The following APPBP2 variants were observed in gnomAD, a reference collection of about 807,000 sequenced individuals.
APPBP2 encodes the protein amyloid protein-binding protein 2.
A neutral mutation model predicts 76.0 loss-of-function variants in APPBP2; 15 were observed. The observed-to-expected ratio is 0.20, with a 90% CI of 0.13 to 0.30. The LOEUF (loss-of-function observed/expected upper bound fraction) is 0.30. APPBP2 is among the 10% of genes least tolerant of loss of function. The pLI is 1.00. For missense variants in APPBP2, 401 were observed against 687.2 expected (o/e 0.58, Z 4.66); for synonymous variants, 222 against 242.2 (o/e 0.92, Z 0.77).
intron 1 of APPBP2, among the ~76,000 whole-genome samples, chr17:60,502,602 C>T (rs1287172253): frequency 1.4e-5 from 2 of 139,988 alleles, no homozygotes; most frequent in Admixed American, 1.4e-4. Context: ...GCCTGTAATC[C>T]CAGCACTTTG....
intron 1 of APPBP2, among the ~76,000 whole-genome samples, chr17:60,502,527 A>G (rs1412293201): frequency 7.7e-6 from 1 of 130,606 alleles, no homozygotes; most frequent in Non-Finnish European, 1.5e-5. Context: ...ACTTTTCATT[A>G]TCAAACTTAA....
At chr17:60,518,276 G>A (rs1198390539) in intron 1 of APPBP2, among the ~76,000 whole-genome samples, 2 of 151,834 alleles carry the variant, frequency 1.3e-5, no homozygotes, top group African/African-American at 4.8e-5. Flanking sequence ...TGAACTCTTA[G>A]GCTTAAGCAA....
At chr17:60,454,541 G>C in intron 10 of APPBP2, 49 bp from the exon 11 acceptor site, 1 of 1,236,902 alleles carries the variant, frequency 8.1e-7, no homozygotes, top group Non-Finnish European at 1.1e-6. Context: ...ATCTACCAAA[G>C]CTAGTAAGAA....
In APPBP2 at chr17:60,460,800, T is replaced by C; in HGVS notation, c.937-13A>G. The C allele has an allele frequency of 6.2e-7, 1 of 1,608,768 alleles. No homozygotes were observed. Among genetic ancestry groups the C allele is most frequent in the Non-Finnish European group, 8.5e-7 (1 of 1,178,004 alleles). On this transcript the variant is annotated splice_polypyrimidine_tract_variant and intron_variant, in intron 8 of 12. Coordinates refer to ENST00000083182, the MANE Select transcript of APPBP2 (RefSeq NM_006380.5). The stretch of plus-strand genomic sequence containing the variant: ...TGTCAAGGGCTGCCTGAAAGAATCA[T>C]AAAAATATTTGTCAATACTGTAGAA...
intron 3 of APPBP2, among the ~76,000 whole-genome samples, chr17:60,491,504 A>G (rs970356556): frequency 6.6e-6 from 1 of 151,926 alleles, no homozygotes. Flanking sequence ...CAGTACAGTG[A>G]GGCGATTTCA....
At chr17:60,479,038 T>C (rs986627625) in intron 4 of APPBP2, 110 bp downstream of exon 4, 3 of 1,071,420 alleles carry the variant, frequency 2.8e-6, no homozygotes, top group South Asian at 2.0e-5. Context: ...GACATATAAA[T>C]ATCATCTCAG....
At chr17:60,508,116 G>A (rs895346291) in intron 1 of APPBP2, among the ~76,000 whole-genome samples, 8 of 152,080 alleles carry the variant, frequency 5.3e-5, no homozygotes, top group African/African-American at 1.2e-4. Context: ...GGGACTACAG[G>A]TGCGAGCCAC....
rs1188012752 is a variant in APPBP2, at chr17:60,454,345, T to C, written c.1295A>G (p.Tyr432Cys). Residue 432 changes from tyrosine (Y) to cysteine (C), a missense_variant, in exon 11 of 13, where the codon TAT becomes TGT. Transcript: ENST00000083182. ...CTGATAAAGTCTTCCAAGGTTTCCATAGTGTTTTGCAGTCTGTACATTAAA... is the reference window on the plus strand; with the variant it reads ...CTGATAAAGTCTTCCAAGGTTTCCACAGTGTTTTGCAGTCTGTACATTAAA... ...GEFNVQTAKH[Y>C]GNLGRLYQSM... 1.9e-6 allele frequency: 3 copies of C among 1,596,830 alleles called. No homozygotes were observed. Among genetic ancestry groups the C allele is most frequent in the African/African-American group, 1.4e-5 (1 of 74,032 alleles).
At position 60,445,891 on chromosome 17, in the gene APPBP2, A is replaced by T. The variant is rs2090342298; in HGVS notation, c.*1690T>A. ...CCCCCAACCAACCCCCTCCTAGGGA[A>T]CTTAAATGCAATGGCTCAAAACTAA... is the stretch of plus-strand genomic sequence containing the variant. On this transcript the variant is annotated 3_prime_UTR_variant, in exon 13 of 13. Coordinates refer to ENST00000083182, the MANE Select transcript of APPBP2 (RefSeq NM_006380.5). The T allele has an allele frequency of 6.6e-6, 1 of 152,278 alleles. No homozygotes were observed. The highest frequency in any genetic ancestry group is 1.5e-5 in the Non-Finnish European group (1 of 68,148). The allele number at this position is 152,278 out of a possible 1,614,324, so 9.4% of individuals were successfully genotyped here.
intron 1 of APPBP2, among the ~76,000 whole-genome samples, chr17:60,510,962 C>T (rs571560375): frequency 3.3e-5 from 5 of 152,148 alleles, no homozygotes; most frequent in South Asian, 4.2e-4. Flanking sequence ...GTTTTCCCCC[C>T]CAATGGTTAA....
At position 60,443,331 on chromosome 17, in the gene APPBP2, C is replaced by T. The variant is rs1449434457; in HGVS notation, c.*4250G>A. On this transcript the variant is annotated 3_prime_UTR_variant, in exon 13 of 13. Transcript: ENST00000083182. ...AGGTCATCCTGACACAATGAAGAACCGTCTTCAAAAATCTATTTAATGACC... is the reference window on the plus strand; with the variant it reads ...AGGTCATCCTGACACAATGAAGAACTGTCTTCAAAAATCTATTTAATGACC... The T allele has an allele frequency of 2.0e-5, 3 of 152,490 alleles. No homozygotes were observed. The highest frequency in any genetic ancestry group is 4.4e-5 in the Non-Finnish European group (3 of 68,008). The allele number at this position is 152,490 out of a possible 1,614,324, so 9.4% of individuals were successfully genotyped here. A position where few individuals can be genotyped will look rare whatever the true frequency, so the allele number is the denominator to read the frequency against.
chr17:60,516,818 T>C (rs2090967537), intron 1 of APPBP2, among the ~76,000 whole-genome samples: 1 of 152,252 alleles, frequency 6.6e-6, no homozygotes, highest in Non-Finnish European at 1.5e-5. Context: ...GAGTTTTTTA[T>C]TTCTCCATAT....
intron 4 of APPBP2, among the ~76,000 whole-genome samples, chr17:60,471,690 C>T (rs927175477): frequency 1.3e-5 from 2 of 151,772 alleles, no homozygotes; most frequent in African/African-American, 4.8e-5. Context: ...GTGTAAAATC[C>T]TTTTAATATT....
chr17:60,525,698 G>A (rs1365942478), intron 1 of APPBP2, 96 bp downstream of exon 1: 87 of 1,562,084 alleles, frequency 5.6e-5, no homozygotes, highest in Non-Finnish European at 7.5e-5. Flanking sequence ...CTGCCGGAAG[G>A]GGTGAGGGGT....
intron 5 of APPBP2, among the ~76,000 whole-genome samples, chr17:60,465,904 T>C (rs972240426): frequency 2.6e-5 from 4 of 152,164 alleles, no homozygotes; most frequent in Non-Finnish European, 5.9e-5. Flanking sequence ...GGTATAAATA[T>C]GGCTCACTAC....
At chr17:60,450,488 G>C (rs2090386416) in intron 12 of APPBP2, among the ~76,000 whole-genome samples, 1 of 151,236 alleles carries the variant, frequency 6.6e-6, no homozygotes, top group Non-Finnish European at 1.5e-5. Flanking sequence ...TTAAGAACTG[G>C]CTGGGCACAG....
At chr17:60,505,676 G>GTTTTTTTTTTTTTTTTTT (rs1170935393) in intron 1 of APPBP2, among the ~76,000 whole-genome samples, 4 of 85,716 alleles carry the variant, frequency 4.7e-5, no homozygotes, top group African/African-American at 3.1e-4. Flanking sequence ...GACCCCTGCG[G>GTTTTTTTTTTTTTTTTTT]TTTTTTTTTT....
chr17:60,498,537 C>T (rs2090795424), intron 2 of APPBP2, among the ~76,000 whole-genome samples: 1 of 151,998 alleles, frequency 6.6e-6, no homozygotes, highest in Admixed American at 6.6e-5. Context: ...CCCAAATGTC[C>T]ATCAATAATA....
intron 4 of APPBP2, 73 bp from the exon 5 acceptor site, chr17:60,466,532 C>T: frequency 7.2e-7 from 1 of 1,397,942 alleles, no homozygotes; most frequent in Non-Finnish European, 9.8e-7. Context: ...TCTTACCAAT[C>T]ACCTGAATGA....
Sources: allele counts gnomAD v4.1 joint callset (sites outside exome capture counted in the v4.1 genomes callset), GRCh38; gene constraint gnomAD v4.1.1; transcripts MANE v1.5; gene names NCBI Gene and HGNC (gene_info 2026-07-23, HGNC 2026-07-21).